The following NUDT9 variants were observed in gnomAD, a reference collection of about 807,000 sequenced individuals.
The protein encoded by NUDT9 is ADP-ribose pyrophosphatase.
NUDT9 carries 31 observed loss-of-function variants against 41.0 expected under a neutral mutation model. The observed-to-expected ratio is 0.76, with a 90% confidence interval of 0.57 to 1.02. The LOEUF (loss-of-function observed/expected upper bound fraction) is 1.02, where lower values mean the gene tolerates loss of function less well. Ranked by LOEUF, NUDT9 falls within the 50% of genes least tolerant of loss-of-function variation. The pLI is 0.00. For missense variants in NUDT9, 380 were observed against 431.4 expected (o/e 0.88, Z 1.06); for synonymous variants, 146 against 147.6 (o/e 0.99, Z 0.08).
Position 87,438,380 on chromosome 4 carries a change from C to T in NUDT9, c.443+8C>T, listed in dbSNP as rs767354556. The T allele has an allele frequency of 1.3e-5, 19 of 1,508,536 alleles. No homozygotes were observed. The highest frequency in any genetic ancestry group is 2.7e-5 in the African/African-American group (2 of 72,752). 93.4% of individuals were successfully genotyped at this position (1,508,536 alleles called of 1,614,324 possible). On this transcript the variant is annotated splice_region_variant and intron_variant, in intron 3 of 7. Coordinates refer to ENST00000302174, the MANE Select transcript of NUDT9 (RefSeq NM_024047.5). ...TGAAAATGGAAGACCGAGGTAGGTA[C>T]TGGGAGCAGAGCATCTTACAATAAT... is the stretch of plus-strand genomic sequence containing the variant.
intron 4 of NUDT9, chr4:87,445,523 G>A (rs554308495): frequency 1.3e-5 from 2 of 152,246 alleles, no homozygotes; most frequent in Admixed American, 1.3e-4. Flanking sequence ...ATTATCAAAA[G>A]TTTCTTCAGA....
At chr4:87,437,249 C>CAAA (rs776722819) in intron 2 of NUDT9, among the ~76,000 whole-genome samples, 21 of 55,546 alleles carry the variant, frequency 3.8e-4, no homozygotes, top group East Asian at 2.0e-3. Context: ...GACTCCATCT[C>CAAA]AAAAAAAAAA....
chr4:87,446,247 C>CTT (rs386400738), intron 4 of NUDT9, among the ~76,000 whole-genome samples: 13,035 of 124,140 alleles, frequency 0.11, 921 homozygotes, highest in East Asian at 0.19. Flanking sequence ...CTTATCTTTC[C>CTT]TTTTTTTTTT....
In NUDT9 at chr4:87,435,215, G is replaced by C; in HGVS notation, c.342G>C (p.Gln114His). 1 of 1,610,012 alleles carries C rather than the reference G, an allele frequency of 6.2e-7. No individual in the cohort carries two copies. Among genetic ancestry groups the C allele is most frequent in the Non-Finnish European group, 8.5e-7 (1 of 1,177,674 alleles). ...CTGGACCCAGGTGGGCAGATCCTCAGATCAGGTGAGCAAATAAGACAGCGT... is the reference window on the plus strand; with the variant it reads ...CTGGACCCAGGTGGGCAGATCCTCACATCAGGTGAGCAAATAAGACAGCGT... ...VLAGPRWADP[Q>H]ISESNFSPKF... The change falls in exon 2 of 8, where the codon CAG becomes CAC. Residue 114 changes from glutamine (Q) to histidine (H), a missense_variant. Transcript: ENST00000302174.
At chr4:87,454,522 A>G in intron 7 of NUDT9, 67 bp downstream of exon 7, 1 of 1,026,000 alleles carries the variant, frequency 9.7e-7, no homozygotes, top group Non-Finnish European at 1.5e-6. Context: ...CCACTAAGGC[A>G]TGATTAAATC....
intron 7 of NUDT9, among the ~76,000 whole-genome samples, chr4:87,455,415 T>A (rs989146505): frequency 6.6e-6 from 1 of 152,168 alleles, no homozygotes; most frequent in Non-Finnish European, 1.5e-5. Flanking sequence ...TACTGATAAA[T>A]TTGTTAACTA....
At chr4:87,432,595 G>A (rs1376626856) in intron 1 of NUDT9, among the ~76,000 whole-genome samples, 5 of 152,036 alleles carry the variant, frequency 3.3e-5, no homozygotes, top group African/African-American at 1.2e-4. Flanking sequence ...CCTGATCTTA[G>A]AGGAAAAACT....
intron 1 of NUDT9, among the ~76,000 whole-genome samples, chr4:87,429,094 C>G (rs906210011): frequency 6.6e-6 from 1 of 152,030 alleles, no homozygotes; most frequent in African/African-American, 2.4e-5. Flanking sequence ...GAAGAGGGAC[C>G]AGGAGGAAGT....
intron 1 of NUDT9, among the ~76,000 whole-genome samples, chr4:87,434,594 G>A (rs1439172544): frequency 6.6e-6 from 1 of 151,712 alleles, no homozygotes; most frequent in Non-Finnish European, 1.5e-5. Context: ...TTTGAAATTG[G>A]AAAGTATGTT....
At chr4:87,446,247 C>CTTTTTTTTTTTTTTTTT (rs386400738) in intron 4 of NUDT9, among the ~76,000 whole-genome samples, 1 of 124,234 alleles carries the variant, frequency 8.0e-6, no homozygotes, top group Admixed American at 9.1e-5. Flanking sequence ...CTTATCTTTC[C>CTTTTTTTTTTTTTTTTT]TTTTTTTTTT....
At chr4:87,435,462 A>G (rs1381621032) in intron 2 of NUDT9, among the ~76,000 whole-genome samples, 1 of 152,230 alleles carries the variant, frequency 6.6e-6, no homozygotes, top group Non-Finnish European at 1.5e-5. Flanking sequence ...GAAATAACAA[A>G]TAGCATCAGC....
chr4:87,451,472 TGGG>T, intron 5 of NUDT9, 114 bp from the exon 6 acceptor site: 1 of 753,538 alleles, frequency 1.3e-6, no homozygotes, highest in Non-Finnish European at 2.1e-6. Context: ...CACAGAGAAA[TGGG>T]GATCACTATT....
chr4:87,453,619 G>A (rs540606010), intron 6 of NUDT9, among the ~76,000 whole-genome samples: 2 of 151,966 alleles, frequency 1.3e-5, no homozygotes, highest in South Asian at 2.1e-4. Flanking sequence ...TAGTAGAGAC[G>A]AGGTTTCACC....
At chr4:87,441,505 G>T (rs1460576680) in intron 3 of NUDT9, among the ~76,000 whole-genome samples, 1 of 152,176 alleles carries the variant, frequency 6.6e-6, no homozygotes, top group Non-Finnish European at 1.5e-5. Context: ...GAGAGATCTA[G>T]GTGTTCCAGA....
chr4:87,425,484 T>G (rs1367313726), intron 1 of NUDT9, among the ~76,000 whole-genome samples: 1 of 142,820 alleles, frequency 7.0e-6, no homozygotes, highest in Non-Finnish European at 1.5e-5. Context: ...AACCTCCGCC[T>G]CCCAGGTTCT....
At chr4:87,438,186 C>A (rs1018666007) in intron 2 of NUDT9, 91 bp from the exon 3 acceptor site, 36 of 502,492 alleles carry the variant, frequency 7.2e-5, no homozygotes, top group African/African-American at 1.4e-4. Context: ...TTCAGGAATA[C>A]TTCTTATGGA....
At chr4:87,438,185 ACTT>A (rs1722041693) in intron 2 of NUDT9, 89 bp from the exon 3 acceptor site, 5 of 603,124 alleles carry the variant, frequency 8.3e-6, no homozygotes, top group East Asian at 3.0e-5. Context: ...TTTCAGGAAT[ACTT>A]CTTATGGATA....
At chr4:87,443,423 T>A (rs1179541832) in intron 4 of NUDT9, among the ~76,000 whole-genome samples, 1 of 152,230 alleles carries the variant, frequency 6.6e-6, no homozygotes, top group Non-Finnish European at 1.5e-5. Context: ...TATTTATGCA[T>A]CTATTTATTG....
At position 87,458,675 on chromosome 4, in the gene NUDT9, A is replaced by T. The variant is rs931049667; in HGVS notation, c.*654A>T. 1 of 152,162 alleles carries T rather than the reference A, an allele frequency of 6.6e-6. No individual in the cohort carries two copies. The highest frequency in any genetic ancestry group is 2.4e-5 in the African/African-American group (1 of 41,434). The allele number at this position is 152,162 out of a possible 1,614,324, so 9.4% of individuals were successfully genotyped here. Reference sequence around the variant, plus strand: ...CTCTCATTTTCAAAAATTCTGAATTAAAAAAAGTCCAGGAAGTTAGTAATT... The same window carrying T: ...CTCTCATTTTCAAAAATTCTGAATTTAAAAAAGTCCAGGAAGTTAGTAATT... On this transcript the variant is annotated 3_prime_UTR_variant, in exon 8 of 8. Coordinates refer to ENST00000302174, the MANE Select transcript of NUDT9 (RefSeq NM_024047.5).
Sources: gnomAD v4.1 joint callset for allele counts (sites outside exome capture counted in the v4.1 genomes callset) on GRCh38, gnomAD v4.1.1 for gene constraint, MANE v1.5 for transcripts, NCBI Gene and HGNC (gene_info 2026-07-23, HGNC 2026-07-21) for gene names.